STARD13: variants seen among roughly 807,000 people sequenced by gnomAD.
The protein encoded by STARD13 is StAR related lipid transfer domain containing 13, also known as stAR-related lipid transfer protein 13.
A neutral mutation model predicts 106.4 loss-of-function variants in STARD13; 62 were observed. That is an observed-to-expected ratio of 0.58 (90% CI 0.48 to 0.72). The LOEUF is 0.72. STARD13 is among the 30% of genes least tolerant of loss of function. The probability of loss-of-function intolerance (pLI) is 0.00; values close to 1 mark genes in which losing one functional copy is unlikely to be tolerated. For synonymous variants in STARD13, 565 were observed against 553.0 expected, an observed-to-expected ratio of 1.02 and a Z score of -0.31; for missense variants, 1,387 against 1,424.0, an observed-to-expected ratio of 0.97 and a Z score of 0.42.
the STARD13 span, among the ~76,000 whole-genome samples, chr13:33,430,182 A>G: frequency 6.3e-4 from 96 of 152,214 alleles, no homozygotes; most frequent in Admixed American, 1.8e-3. Context: ...CTCCCAAAGT[A>G]CTGGGATTAC....
At chr13:33,534,490 C>A in the STARD13 span, among the ~76,000 whole-genome samples, 1 of 152,158 alleles carries the variant, frequency 6.6e-6, no homozygotes, top group Non-Finnish European at 1.5e-5. Flanking sequence ...TGGATTTCAA[C>A]ATTTTTAAAA....
At chr13:33,155,246 G>C (rs1455582118) in intron 3 of STARD13, among the ~76,000 whole-genome samples, 1 of 151,996 alleles carries the variant, frequency 6.6e-6, no homozygotes, top group Non-Finnish European at 1.5e-5. Context: ...CCCCACCTCA[G>C]GGAAGGGTAT....
the STARD13 span, among the ~76,000 whole-genome samples, chr13:33,655,172 G>A: frequency 6.6e-6 from 1 of 152,228 alleles, no homozygotes; most frequent in Non-Finnish European, 1.5e-5. Flanking sequence ...AATTATTAGT[G>A]AGAGGTTAAC....
At chr13:33,668,632 C>T in the STARD13 span, among the ~76,000 whole-genome samples, 6 of 152,178 alleles carry the variant, frequency 3.9e-5, no homozygotes, top group African/African-American at 7.2e-5. Flanking sequence ...CTAAAGAGAA[C>T]GTGTTTCCTG....
At chr13:33,645,961 G>A in the STARD13 span, among the ~76,000 whole-genome samples, 1 of 151,872 alleles carries the variant, frequency 6.6e-6, no homozygotes, top group Non-Finnish European at 1.5e-5. Flanking sequence ...TTTAGCTGGA[G>A]AATATTACCC....
At chr13:33,467,550 A>C in the STARD13 span, among the ~76,000 whole-genome samples, 3 of 152,164 alleles carry the variant, frequency 2.0e-5, no homozygotes, top group African/African-American at 7.2e-5. Context: ...GTCTAAGCAC[A>C]GCAGTAAGTC....
At chr13:33,473,921 A>G in the STARD13 span, among the ~76,000 whole-genome samples, 1 of 152,178 alleles carries the variant, frequency 6.6e-6, no homozygotes, top group Non-Finnish European at 1.5e-5. Context: ...AACAAGCTCA[A>G]CCAACTGAGA....
intron 1 of STARD13, among the ~76,000 whole-genome samples, chr13:33,181,267 T>TACAC (rs67752465): frequency 0.13 from 19,154 of 142,268 alleles, 1,455 homozygotes; most frequent in East Asian, 0.36. Flanking sequence ...CACTCACACA[T>TACAC]ACATACACAC....
the STARD13 span, among the ~76,000 whole-genome samples, chr13:33,559,729 C>T: frequency 8.6e-5 from 13 of 151,428 alleles, no homozygotes; most frequent in East Asian, 1.9e-4. Context: ...TGGTGGCATG[C>T]GCCTGTAGTC....
intron 1 of STARD13, among the ~76,000 whole-genome samples, chr13:33,329,982 G>T (rs2077818769): frequency 6.6e-6 from 1 of 152,160 alleles, no homozygotes; most frequent in Non-Finnish European, 1.5e-5. Flanking sequence ...GGGATTACAG[G>T]CGTGAGCCAC....
chr13:33,233,886 C>A (rs148242481), intron 1 of STARD13, among the ~76,000 whole-genome samples: 295 of 152,290 alleles, frequency 1.9e-3, no homozygotes, highest in Admixed American at 3.7e-3. Context: ...AGCAGCCAGC[C>A]GGATCTTGCA....
At chr13:33,652,384 A>T in the STARD13 span, among the ~76,000 whole-genome samples, 1 of 152,366 alleles carries the variant, frequency 6.6e-6, no homozygotes, top group African/African-American at 2.4e-5. Context: ...CCACAATTTG[A>T]TGATTGCATA....
intron 7 of STARD13, among the ~76,000 whole-genome samples, chr13:33,119,502 G>C (rs1418669577): frequency 6.6e-6 from 1 of 152,200 alleles, no homozygotes; most frequent in Non-Finnish European, 1.5e-5. Context: ...ATGTGACAAA[G>C]GCTTTCCTGA....
chr13:33,289,119 AG>A (rs1892189753), upstream of STARD13, among the ~76,000 whole-genome samples: 1 of 152,162 alleles, frequency 6.6e-6, no homozygotes, highest in South Asian at 2.1e-4. Context: ...AGAGGGAGAG[AG>A]TGCCCAAATC....
At chr13:33,606,400 C>T in the STARD13 span, among the ~76,000 whole-genome samples, 1 of 152,136 alleles carries the variant, frequency 6.6e-6, no homozygotes, top group Non-Finnish European at 1.5e-5. Context: ...GAATATTTCT[C>T]AGGATATTAT....
chr13:33,269,258 A>G (rs1891045586), intron 1 of STARD13, among the ~76,000 whole-genome samples: 1 of 152,244 alleles, frequency 6.6e-6, no homozygotes, highest in South Asian at 2.1e-4. Context: ...CAAACAAAAT[A>G]ATACTGATAT....
the STARD13 span, among the ~76,000 whole-genome samples, chr13:33,609,940 G>A: frequency 6.6e-6 from 1 of 152,108 alleles, no homozygotes; most frequent in Non-Finnish European, 1.5e-5. Context: ...GTACAAACAT[G>A]CTAATTGTAT....
chr13:33,284,389 A>T (rs1566117939), intron 1 of STARD13, among the ~76,000 whole-genome samples: 1 of 152,340 alleles, frequency 6.6e-6, no homozygotes, highest in East Asian at 1.9e-4. Context: ...TTTAATATTC[A>T]ATATAATCTT....
chr13:33,417,981 C>T, the STARD13 span, among the ~76,000 whole-genome samples: 6 of 152,220 alleles, frequency 3.9e-5, no homozygotes, highest in Non-Finnish European at 7.4e-5. Flanking sequence ...CCAAGATGGC[C>T]GAATAGGAAC....
Sources: gnomAD v4.1 joint callset for allele counts (sites outside exome capture counted in the v4.1 genomes callset) on GRCh38, gnomAD v4.1.1 for gene constraint, MANE v1.5 for transcripts, NCBI Gene and HGNC (gene_info 2026-07-23, HGNC 2026-07-21) for gene names.